TTYH2: variants seen among roughly 807,000 people sequenced by gnomAD.
TTYH2 encodes tweety family member 2.
TTYH2 carries 49 observed loss-of-function variants against 68.3 expected under a neutral mutation model. The ratio of observed to expected loss-of-function variants is 0.72; its 90% confidence interval spans 0.57 to 0.91. TTYH2 has a LOEUF of 0.91. Ranked by LOEUF, TTYH2 falls within the 40% of genes least tolerant of loss-of-function variation. TTYH2 has a pLI of 0.00. For missense variants in TTYH2, 631 were observed against 700.4 expected, an observed-to-expected ratio of 0.90 and a Z score of 1.12; for synonymous variants, 272 against 300.8, an observed-to-expected ratio of 0.90 and a Z score of 0.99.
Position 74,241,294 on chromosome 17 carries a change from T to TGTGTGTGTGC in TTYH2, c.636-2077_636-2076insTGTGTGCGTG, listed in dbSNP as rs200185724. On this transcript the variant is annotated intron_variant, in intron 4 of 13. Transcript: ENST00000269346. This position sits in a 1 kb window ranked among gnomAD's most constrained non-coding sequence, Gnocchi z 4.1. ...GTGTGTGTGTGTGTGTGTGTGTGTG[T>TGTGTGTGTGC]GTGCGTGTAAAAATAAGAATGTGAT... 2.4e-4 allele frequency among the ~76,000 whole-genome samples: 35 copies of TGTGTGTGTGC among 144,214 alleles called. No homozygotes were observed. The highest frequency in any genetic ancestry group is 6.8e-4 in the African/African-American group (26 of 38,040). The allele number at this position is 144,214 out of a possible 152,430, so 94.6% of individuals were successfully genotyped here.
Position 74,222,279 on chromosome 17 carries a change from C to T in TTYH2, c.130-206C>T, listed in dbSNP as rs768051243. 3.9e-5 allele frequency among the ~76,000 whole-genome samples: 6 copies of T among 152,226 alleles called. No homozygotes were observed. The highest frequency in any genetic ancestry group is 8.8e-5 in the Non-Finnish European group (6 of 68,044). On this transcript the variant is annotated intron_variant, in intron 1 of 13. Transcript: ENST00000269346. This position sits in a 1 kb window ranked among gnomAD's most constrained non-coding sequence, Gnocchi z 5.2. ...CGAGGCCCACCACTTGGCCTCATGCCCTGTAAGCTCCATCACTCCCACCCA... is the reference window on the plus strand; with the variant it reads ...CGAGGCCCACCACTTGGCCTCATGCTCTGTAAGCTCCATCACTCCCACCCA...
intron 1 of TTYH2, among the ~76,000 whole-genome samples, chr17:74,218,996 G>A (rs758705419): frequency 1.1e-4 from 16 of 152,132 alleles, no homozygotes; most frequent in Admixed American, 5.9e-4. Context: ...TTGGGGAGCC[G>A]AGGCAGGTGG....
intron 3 of TTYH2, among the ~76,000 whole-genome samples, chr17:74,231,422 G>T (rs1291173509): frequency 6.6e-6 from 1 of 152,158 alleles, no homozygotes; most frequent in Non-Finnish European, 1.5e-5. Context: ...GGCTGGGCGT[G>T]GTGGCTCACT....
intron 6 of TTYH2, chr17:74,248,437 C>A: frequency 1.0e-6 from 1 of 987,300 alleles, no homozygotes; most frequent in Non-Finnish European, 1.2e-6. Context: ...AGCTCCATGC[C>A]CTTCCCACCC....
rs761311197 is a variant in TTYH2, at chr17:74,239,617, G to C, written c.635+2103G>C. Among the ~76,000 whole-genome samples, 2 of 152,162 alleles carry C rather than the reference G, an allele frequency of 1.3e-5. No homozygotes were observed. Among genetic ancestry groups the C allele is most frequent in the Non-Finnish European group, 2.9e-5 (2 of 68,018 alleles). ...GCAGAGGGAGCTCATGAAGTCCCCA[G>C]CTCTGGGGGTCCTCCCCACACCTTG... On this transcript the variant is annotated intron_variant, in intron 4 of 13. Transcript: ENST00000269346. This position sits in a 1 kb window ranked among gnomAD's most constrained non-coding sequence, Gnocchi z 5.3.
chr17:74,257,656 C>A (rs188464886), intron 13 of TTYH2, among the ~76,000 whole-genome samples: 1 of 152,220 alleles, frequency 6.6e-6, no homozygotes, highest in Non-Finnish European at 1.5e-5. Flanking sequence ...CTTCCCCCAG[C>A]TCTGCCTTCA....
intron 6 of TTYH2, chr17:74,248,393 A>G: frequency 2.0e-6 from 2 of 986,906 alleles, no homozygotes; most frequent in Non-Finnish European, 2.4e-6. Context: ...CTGTGGGGCC[A>G]GGTCCTCCAG....
rs142400517 is a variant in TTYH2, at chr17:74,253,810, G to A, written c.1501G>A (p.Gly501Arg). 7.1e-4 allele frequency: 1,150 copies of A among 1,614,184 alleles called. 10 individuals are homozygous for A. In the African/African-American group the frequency reaches 9.0e-3, roughly 13 times the overall value. The change falls in exon 13 of 14, where the codon GGG (glycine) becomes AGG (arginine). Residue 501 changes from glycine (G) to arginine (R), a missense_variant. Gly to Arg is a moderately radical substitution (Grantham distance 125, BLOSUM62 -2). Transcript: ENST00000269346. The part of the protein sequence containing the change: ...NPRYENVPLI[G>R]RASPPPTYSP... ...ACGCTACGAGAACGTGCCACTAATCGGGAGAGCCTCCCCTCCGCCTACGGT... is the reference window on the plus strand; with the variant it reads ...ACGCTACGAGAACGTGCCACTAATCAGGAGAGCCTCCCCTCCGCCTACGGT...
rs763966554 is a variant in TTYH2 at position 74,213,714 on chromosome 17, G to C, written c.127G>C (p.Glu43Gln). Residue 43 changes from glutamate to glutamine, a missense_variant and splice_region_variant, in exon 1 of 14, where the codon GAG (glutamate) becomes CAG (glutamine). Physicochemically the swap from Glu to Gln is conservative, Grantham distance 29. Transcript: ENST00000269346. This position sits in a 1 kb window ranked among gnomAD's most constrained non-coding sequence, Gnocchi z 6.1. ...TFSPGDESYQ[E>Q]SLLFLGLVAA... Reference sequence around the variant, plus strand: ...CAGCCCCGGCGACGAGAGTTACCAGGAGGTAAGTTTACGCCGCCCCAGACC... The same window carrying C: ...CAGCCCCGGCGACGAGAGTTACCAGCAGGTAAGTTTACGCCGCCCCAGACC... The C allele has an allele frequency of 6.2e-7, 1 of 1,611,290 alleles. No homozygotes were observed. The highest frequency in any genetic ancestry group is 1.7e-5 in the Admixed American group (1 of 59,846).
Position 74,254,650 on chromosome 17 carries a change from A to G in TTYH2, c.1524+817A>G, listed in dbSNP as rs186256626. 2.6e-5 allele frequency among the ~76,000 whole-genome samples: 4 copies of G among 152,330 alleles called. No homozygotes were observed. The East Asian group carries it at 7.7e-4, about 29-fold the overall frequency. On this transcript the variant is annotated intron_variant, in intron 13 of 13. Transcript: ENST00000269346. ...CTGAAAAAACCATACCTGGATTGTA[A>G]CACTGGCAAGGGCCATATTCAGCCT...
At chr17:74,253,443 A>C in intron 12 of TTYH2, among the ~76,000 whole-genome samples, 177 bp downstream of exon 12, 1 of 152,158 alleles carries the variant, frequency 6.6e-6, no homozygotes, top group South Asian at 2.1e-4. Context: ...CTCCACACCC[A>C]CATGTGCTGG....
intron 13 of TTYH2, among the ~76,000 whole-genome samples, chr17:74,254,612 A>T: frequency 6.6e-6 from 1 of 152,212 alleles, no homozygotes; most frequent in East Asian, 1.9e-4. Flanking sequence ...CTTCCAAGAG[A>T]TGGCTCCCAG....
intron 1 of TTYH2, among the ~76,000 whole-genome samples, chr17:74,221,519 C>T (rs2050275491): frequency 6.6e-6 from 1 of 152,228 alleles, no homozygotes; most frequent in Non-Finnish European, 1.5e-5. Context: ...CTGGGAACCC[C>T]TATTGGGGGT....
Position 74,249,007 on chromosome 17 carries a change from T to G in TTYH2, c.805-4T>G. On this transcript the variant is annotated splice_polypyrimidine_tract_variant and splice_region_variant and intron_variant, in intron 6 of 13. Coordinates refer to ENST00000269346, the MANE Select transcript of TTYH2 (RefSeq NM_032646.6). ...TCCACCCCGTCCCTCTCTCCCTCAC[T>G]CAGGCCACCAGTGACTTCTGTGTGG... is the stretch of plus-strand genomic sequence containing the variant. 6.2e-7 allele frequency: 1 copy of G among 1,614,100 alleles called. No homozygotes were observed. The highest frequency in any genetic ancestry group is 8.5e-7 in the Non-Finnish European group (1 of 1,179,998).
intron 3 of TTYH2, among the ~76,000 whole-genome samples, chr17:74,236,311 G>A (rs1378278851): frequency 6.6e-6 from 1 of 152,240 alleles, no homozygotes; most frequent in Non-Finnish European, 1.5e-5. Context: ...CCGGTGTGCT[G>A]CGGCTAGTGC....
intron 4 of TTYH2, among the ~76,000 whole-genome samples, chr17:74,237,938 G>C (rs903865286): frequency 3.9e-5 from 6 of 152,110 alleles, no homozygotes; most frequent in African/African-American, 1.2e-4. Context: ...CAGCCCACCA[G>C]AAAGTCTTGA....
chr17:74,250,657 C>T, intron 10 of TTYH2: 1 of 299,102 alleles, frequency 3.3e-6, no homozygotes, highest in Non-Finnish European at 6.2e-6. Flanking sequence ...GTCCAGACTC[C>T]TAGCCATTTC....
intron 3 of TTYH2, among the ~76,000 whole-genome samples, chr17:74,236,644 C>A (rs1011671130): frequency 7.2e-5 from 11 of 152,224 alleles, no homozygotes; most frequent in Non-Finnish European, 1.6e-4. Flanking sequence ...ACACTCCCAG[C>A]GCCAGAGGCT....
chr17:74,230,964 G>T lies in TTYH2; in HGVS notation c.379G>T (p.Asp127Tyr), dbSNP rs765165618. The T allele has an allele frequency of 1.2e-6, 2 of 1,613,976 alleles. No homozygotes were observed. Among genetic ancestry groups the T allele is most frequent in the Non-Finnish European group, 1.7e-6 (2 of 1,180,016 alleles). Residue 127 changes from aspartate to tyrosine, a missense_variant, in exon 3 of 14, where the codon GAT becomes TAT. Coordinates refer to ENST00000269346, the MANE Select transcript of TTYH2 (RefSeq NM_032646.6). The stretch of plus-strand genomic sequence containing the variant: ...GTACCAGCTGATGTACTCCTTGGAC[G>T]ATGCCAACCACACCTTCTCTGGGAT... ...GAYQLMYSLD[D>Y]ANHTFSGIDA...
Sources: gnomAD v4.1 joint callset for allele counts (sites outside exome capture counted in the v4.1 genomes callset) on GRCh38, gnomAD v4.1.1 for gene constraint, Gnocchi (gnomAD v3.1) non-coding constraint, MANE v1.5 for transcripts, NCBI Gene and HGNC (gene_info 2026-07-23, HGNC 2026-07-21) for gene names.